Variants in ELP1 observed in about 807,000 individuals in gnomAD.
The protein encoded by ELP1 is elongator acetyltransferase complex subunit 1.
In ELP1, 131 loss-of-function variants were observed where a neutral mutation model predicts 183.2. That is an observed-to-expected ratio of 0.72 (90% CI 0.62 to 0.83). The LOEUF (loss-of-function observed/expected upper bound fraction) is 0.83, where lower values mean the gene tolerates loss of function less well. Among genes scored for constraint, ELP1 ranks in the 40% least tolerant of loss-of-function variants. ELP1 has a pLI of 0.00. For missense variants in ELP1, 1,550 were observed against 1,594.9 expected (o/e 0.97, Z 0.48); for synonymous variants, 555 against 569.0 (o/e 0.98, Z 0.35).
chr9:108,876,809 A>T (rs1827723667), intron 35 of ELP1, among the ~76,000 whole-genome samples: 1 of 149,204 alleles, frequency 6.7e-6, no homozygotes, highest in African/African-American at 2.5e-5. Flanking sequence ...TTGGCTCATC[A>T]CAACCTCTGT....
In ELP1 at chr9:108,878,037, T is replaced by C; in HGVS notation, c.3813A>G (p.Pro1271=). 1.2e-6 allele frequency: 2 copies of C among 1,614,248 alleles called. No individual in the cohort carries two copies. Among genetic ancestry groups the C allele is most frequent in the Non-Finnish European group, 1.7e-6 (2 of 1,180,042 alleles). The part of the protein sequence containing the change: ...DTLQLMERSL[P]EIWTLTYQQN... ...GCTGGTAAGTAAGAGTCCAAATTTC[T>C]GGAAGTGACCTTTCCATCAACTGCA... is the stretch of plus-strand genomic sequence containing the variant. Residue 1271 remains proline (P), a synonymous_variant, in exon 35 of 37, where the codon CCA becomes CCG. Transcript: ENST00000374647.
At chr9:108,882,249 A>G in intron 29 of ELP1, 62 bp from the exon 30 acceptor site, 1 of 1,426,848 alleles carries the variant, frequency 7.0e-7, no homozygotes, top group Non-Finnish European at 9.8e-7. Context: ...CATCACAGCC[A>G]ACTACAAAAC....
chr9:108,908,222 T>C, intron 13 of ELP1, 83 bp downstream of exon 13: 2 of 1,000,174 alleles, frequency 2.0e-6, no homozygotes, highest in Non-Finnish European at 1.6e-6. Flanking sequence ...GCAACAGGCA[T>C]AGAACTGTTA....
intron 35 of ELP1, among the ~76,000 whole-genome samples, chr9:108,875,473 C>A (rs1351627714): frequency 6.6e-6 from 1 of 152,234 alleles, no homozygotes; most frequent in Non-Finnish European, 1.5e-5. Flanking sequence ...TCTGGGCACA[C>A]CCCTGGTTAG....
intron 1 of ELP1, 100 bp from the exon 2 acceptor site, chr9:108,931,301 C>A: frequency 2.4e-6 from 2 of 817,582 alleles, no homozygotes; most frequent in Admixed American, 2.4e-5. Context: ...TCAGAATAAC[C>A]AAGAAAAGAA....
rs1554691572 is a variant in ELP1, at chr9:108,878,150, C to T, written c.3701-1G>A. 1 of 1,603,590 alleles carries T rather than the reference C, an allele frequency of 6.2e-7. No individual in the cohort carries two copies. The highest frequency in any genetic ancestry group is 1.1e-5 in the South Asian group (1 of 90,850). ...ACCTTTAAAATATGGTATACTTCAT[C>T]TAGAGAGAAGAAATTTGAAAGAGTG... On this transcript the variant is annotated splice_acceptor_variant, in intron 34 of 36. Coordinates refer to ENST00000374647, the MANE Select transcript of ELP1 (RefSeq NM_003640.5). LOFTEE classifies it high-confidence loss of function.
Position 108,912,414 on chromosome 9 carries a change from C to T in ELP1, c.1039G>A (p.Val347Met). The T allele has an allele frequency of 6.2e-7, 1 of 1,614,040 alleles. No homozygotes were observed. Among genetic ancestry groups the T allele is most frequent in the African/African-American group, 1.3e-5 (1 of 75,030 alleles). Residue 347 changes from valine to methionine, a missense_variant, in exon 11 of 37, where the codon GTG (valine) becomes ATG (methionine). Coordinates refer to ENST00000374647, the MANE Select transcript of ELP1 (RefSeq NM_003640.5). ...SFSTCGKSKI[V>M]SLMWDPVTPY... ...GTCACAGGGTCCCACATCAGAGACA[C>T]AATCTTGCTCTTCCCACAGGTGCTG...
At chr9:108,926,088 C>T (rs1829816590) in intron 5 of ELP1, among the ~76,000 whole-genome samples, 1 of 152,188 alleles carries the variant, frequency 6.6e-6, no homozygotes, top group Non-Finnish European at 1.5e-5. Context: ...ACCCCCACAG[C>T]CTTAATGCCC....
At position 108,934,011 on chromosome 9, in the gene ELP1, C is replaced by G; in HGVS notation, c.-203G>C. The G allele has an allele frequency of 6.4e-6, 1 of 156,922 alleles. No homozygotes were observed. Among genetic ancestry groups the G allele is most frequent in the South Asian group, 1.6e-4 (1 of 6,114 alleles). The allele number at this position is 156,922 out of a possible 1,614,324, so 9.7% of individuals were successfully genotyped here. A position where few individuals can be genotyped will look rare whatever the true frequency, so the allele number is the denominator to read the frequency against. ...TCCGCGGCTCCCGCTCTCTCTCCGA[C>G]GGCACTAGGCCTCCAAGGATGGAGG... On this transcript the variant is annotated 5_prime_UTR_variant, in exon 1 of 37. Coordinates refer to ENST00000374647, the MANE Select transcript of ELP1 (RefSeq NM_003640.5).
intron 19 of ELP1, 144 bp from the exon 20 acceptor site, chr9:108,900,039 T>C (rs1828709634): frequency 2.4e-6 from 2 of 840,830 alleles, no homozygotes; most frequent in Non-Finnish European, 3.9e-6. Context: ...TGTTGTTCTC[T>C]ATATTTATCT....
intron 6 of ELP1, among the ~76,000 whole-genome samples, chr9:108,920,051 C>A (rs370707725): frequency 5.9e-5 from 9 of 152,204 alleles, no homozygotes; most frequent in African/African-American, 2.2e-4. Context: ...ATGAAACTGT[C>A]CTAGGGTATA....
At chr9:108,870,702 CCA>C (rs34749534) in intron 36 of ELP1, among the ~76,000 whole-genome samples, 12,286 of 152,268 alleles carry the variant, frequency 0.081, 676 homozygotes, top group South Asian at 0.3. Context: ...ACCAATCCTT[CCA>C]CAGTTTCTTT....
rs867574520 is a variant in ELP1, at chr9:108,927,238, T to C, written c.385+134A>G. On this transcript the variant is annotated intron_variant, in intron 4 of 36. Coordinates refer to ENST00000374647, the MANE Select transcript of ELP1 (RefSeq NM_003640.5). The stretch of plus-strand genomic sequence containing the variant: ...ACACACACATACATAATTGGTATTA[T>C]ACTGGTTCATAATTGGTATTATACT... The C allele has an allele frequency of 3.8e-5, 28 of 733,520 alleles. 1 individual carries two copies. Among genetic ancestry groups the C allele is most frequent in the South Asian group, 2.3e-4 (16 of 68,512 alleles). The allele number at this position is 733,520 out of a possible 1,614,324, so 45.4% of individuals were successfully genotyped here. A position where few individuals can be genotyped will look rare whatever the true frequency, so the allele number is the denominator to read the frequency against.
At chr9:108,929,661 T>C (rs1829932794) in intron 3 of ELP1, 108 bp downstream of exon 3, 1 of 1,108,144 alleles carries the variant, frequency 9.0e-7, no homozygotes, top group South Asian at 1.3e-5. Context: ...AAAAATTAAT[T>C]AGCAAAAGTG....
intron 14 of ELP1, among the ~76,000 whole-genome samples, chr9:108,904,961 C>G (rs1483412654): frequency 2.0e-5 from 3 of 152,156 alleles, no homozygotes; most frequent in Non-Finnish European, 4.4e-5. Flanking sequence ...AATGAGATGA[C>G]TGCATCAAGC....
chr9:108,878,578 A>T (rs1827787728), intron 34 of ELP1, 45 bp downstream of exon 34: 1 of 1,613,128 alleles, frequency 6.2e-7, no homozygotes, highest in East Asian at 2.2e-5. Flanking sequence ...CTGCCTATTC[A>T]CTATTGTTTG....
chr9:108,885,536 A>C (rs10816757), intron 29 of ELP1, among the ~76,000 whole-genome samples: 27,378 of 152,184 alleles, frequency 0.18, 3,205 homozygotes, highest in African/African-American at 0.33. Flanking sequence ...TCATTAAAGA[A>C]AACTCCTGGC....
chr9:108,903,548 C>A lies in ELP1; in HGVS notation c.1750+15G>T. 1 of 1,531,232 alleles carries A rather than the reference C, an allele frequency of 6.5e-7. No individual in the cohort carries two copies. Among genetic ancestry groups the A allele is most frequent in the South Asian group, 1.1e-5 (1 of 89,440 alleles). The allele number at this position is 1,531,232 out of a possible 1,614,324, so 94.9% of individuals were successfully genotyped here. A position where few individuals can be genotyped will look rare whatever the true frequency, so the allele number is the denominator to read the frequency against. On this transcript the variant is annotated intron_variant, in intron 15 of 36. Coordinates refer to ENST00000374647, the MANE Select transcript of ELP1 (RefSeq NM_003640.5). ...TGTAAGTCATAACATGCTTTCCTAA[C>A]ACCTTGATACTCACCCCAAAGGTAC...
In ELP1 at chr9:108,929,905, G is replaced by C. The variant is rs1447829991; in HGVS notation, c.167C>G (p.Ser56Cys). ...TGGGAGAAAGCCTTCTGCCACCAAA[G>C]AAACTTCATTTTTCACCTTTCACCA... The part of the protein sequence containing the change: ...PVSREVKNEV[S>C]LVAEGFLPED... Residue 56 changes from serine to cysteine, a missense_variant, in exon 3 of 37, where the codon TCT (serine) becomes TGT (cysteine). Ser to Cys is a moderately radical substitution (Grantham distance 112, BLOSUM62 -1). Transcript: ENST00000374647. 1 of 1,613,762 alleles carries C rather than the reference G, an allele frequency of 6.2e-7. No homozygotes were observed. Among genetic ancestry groups the C allele is most frequent in the East Asian group, 2.2e-5 (1 of 44,886 alleles).
Sources: gnomAD v4.1 joint callset for allele counts (sites outside exome capture counted in the v4.1 genomes callset) on GRCh38, gnomAD v4.1.1 for gene constraint, MANE v1.5 for transcripts, NCBI Gene and HGNC (gene_info 2026-07-23, HGNC 2026-07-21) for gene names.